WDFY2: variants seen among roughly 807,000 people sequenced by gnomAD.
WDFY2 encodes the protein WD repeat and FYVE domain-containing protein 2.
WDFY2 carries 36 observed loss-of-function variants against 56.4 expected under a neutral mutation model. The observed-to-expected ratio is 0.64, with a 90% confidence interval of 0.49 to 0.84. The LOEUF (loss-of-function observed/expected upper bound fraction) is 0.84. WDFY2 is among the 40% of genes least tolerant of loss of function. The probability of loss-of-function intolerance (pLI) is 0.00; values close to 1 mark genes in which losing one functional copy is unlikely to be tolerated. For synonymous variants in WDFY2, 176 were observed against 183.7 expected, an observed-to-expected ratio of 0.96 and a Z score of 0.34; for missense variants, 444 against 512.2, an observed-to-expected ratio of 0.87 and a Z score of 1.29.
Position 51,664,920 on chromosome 13 carries a change from G to A in WDFY2, c.205+4257G>A, listed in dbSNP as rs948607427. Among the ~76,000 whole-genome samples the A allele has an allele frequency of 5.3e-5, 8 of 152,204 alleles. No homozygotes were observed. In the East Asian group the frequency reaches 5.8e-4, roughly 11 times the overall value. The stretch of plus-strand genomic sequence containing the variant: ...ATAGTTCATTCAACAAATGTTAAGC[G>A]TTTCTTCCACATCTAACATTGTACG... On this transcript the variant is annotated intron_variant, in intron 2 of 11. Transcript: ENST00000298125.
chr13:51,720,810 G>T (rs1952470211), intron 5 of WDFY2, among the ~76,000 whole-genome samples: 1 of 152,174 alleles, frequency 6.6e-6, no homozygotes, highest in Admixed American at 6.5e-5. Flanking sequence ...TGGTGAAAGG[G>T]CAGAGGAGCT....
At chr13:51,600,776 C>T (rs1954260358) in intron 1 of WDFY2, among the ~76,000 whole-genome samples, 1 of 152,160 alleles carries the variant, frequency 6.6e-6, no homozygotes, top group South Asian at 2.1e-4. Context: ...GTGCCCACTA[C>T]TGGACCCTAT....
intron 2 of WDFY2, among the ~76,000 whole-genome samples, chr13:51,666,680 A>C: frequency 6.6e-6 from 1 of 152,122 alleles, no homozygotes. Context: ...TGAATCTCCT[A>C]ACAGATCTTT....
At chr13:51,692,597 A>G (rs1420227625) in intron 3 of WDFY2, among the ~76,000 whole-genome samples, 9 of 152,318 alleles carry the variant, frequency 5.9e-5, no homozygotes, top group Middle Eastern at 3.4e-3. Flanking sequence ...TCGGTTTGCC[A>G]GTATTTTATT....
chr13:51,632,306 G>C (rs1323733876), intron 1 of WDFY2, among the ~76,000 whole-genome samples: 1 of 151,802 alleles, frequency 6.6e-6, no homozygotes, highest in Non-Finnish European at 1.5e-5. Flanking sequence ...AGCTCTGAAT[G>C]AATAATTATA....
At chr13:51,679,712 T>C (rs935088586) in intron 3 of WDFY2, among the ~76,000 whole-genome samples, 1 of 152,172 alleles carries the variant, frequency 6.6e-6, no homozygotes, top group African/African-American at 2.4e-5. Flanking sequence ...TTTTCTCTCA[T>C]GGTTCTGGAG....
intron 4 of WDFY2, among the ~76,000 whole-genome samples, chr13:51,718,048 G>C (rs1308470452): frequency 2.0e-5 from 3 of 152,232 alleles, no homozygotes; most frequent in Admixed American, 6.5e-5. Flanking sequence ...GCACTTGTAA[G>C]ACATTCAGAA....
Position 51,679,376 on chromosome 13 carries a change from T to C in WDFY2, c.279+4133T>C, listed in dbSNP as rs1955940496. Among the ~76,000 whole-genome samples, 3 of 152,222 alleles carry C rather than the reference T, an allele frequency of 2.0e-5. No individual in the cohort carries two copies. In the South Asian group the frequency reaches 6.2e-4, roughly 32 times the overall value. The stretch of plus-strand genomic sequence containing the variant: ...TACAGGGAGCCACAGTTTTTATTAA[T>C]ATCTTGCTAAGATAAATGCATGGTC... On this transcript the variant is annotated intron_variant, in intron 3 of 11. Coordinates refer to ENST00000298125, the MANE Select transcript of WDFY2 (RefSeq NM_052950.4).
intron 4 of WDFY2, 136 bp from the exon 5 acceptor site, chr13:51,719,062 A>G (rs986344842): frequency 1.1e-5 from 13 of 1,227,164 alleles, no homozygotes; most frequent in Admixed American, 6.0e-5. Context: ...CCACTGTTCT[A>G]CCTTGTCCTT....
At chr13:51,587,147 G>A (rs923397264) in intron 1 of WDFY2, 1 of 152,206 alleles carries the variant, frequency 6.6e-6, no homozygotes, top group African/African-American at 2.4e-5. Flanking sequence ...GAATGGCAGT[G>A]TTCCATAAAT....
At chr13:51,590,289 A>G (rs754292745) in intron 1 of WDFY2, 2 of 152,232 alleles carry the variant, frequency 1.3e-5, no homozygotes, top group Non-Finnish European at 2.9e-5. Context: ...TGAAAAAGGA[A>G]TATAGGTAAA....
intron 2 of WDFY2, among the ~76,000 whole-genome samples, chr13:51,670,489 G>GCGCGCGCA (rs994843711): frequency 3.0e-5 from 4 of 131,498 alleles, no homozygotes; most frequent in African/African-American, 1.2e-4. Context: ...GTGCGCACAT[G>GCGCGCGCA]CACACACACA....
At chr13:51,586,774 G>T (rs1193016618) in intron 1 of WDFY2, 1 of 152,058 alleles carries the variant, frequency 6.6e-6, no homozygotes, top group Non-Finnish European at 1.5e-5. Context: ...GTAAATAATA[G>T]AAATTATTTT....
chr13:51,700,578 A>T (rs1372078431), intron 3 of WDFY2, among the ~76,000 whole-genome samples: 1 of 152,242 alleles, frequency 6.6e-6, no homozygotes, highest in East Asian at 1.9e-4. Context: ...TTTTATAGAA[A>T]TACTGCTGGA....
At chr13:51,613,725 T>C (rs1236543457) in intron 1 of WDFY2, among the ~76,000 whole-genome samples, 2 of 152,184 alleles carry the variant, frequency 1.3e-5, no homozygotes, top group African/African-American at 4.8e-5. Context: ...AAATTTTATG[T>C]CACAGCTAAA....
At chr13:51,721,623 GA>G (rs1952493226) in intron 5 of WDFY2, among the ~76,000 whole-genome samples, 1 of 152,008 alleles carries the variant, frequency 6.6e-6, no homozygotes, top group South Asian at 2.1e-4. Context: ...GTGTGTGTGA[GA>G]GCCTCTGGTT....
chr13:51,636,503 C>T (rs924781676), intron 1 of WDFY2, among the ~76,000 whole-genome samples: 2 of 152,096 alleles, frequency 1.3e-5, no homozygotes, highest in Non-Finnish European at 2.9e-5. Context: ...TTTTTAATGA[C>T]GGAAAGCAAA....
At chr13:51,720,357 T>C (rs566810249) in intron 5 of WDFY2, among the ~76,000 whole-genome samples, 1 of 152,276 alleles carries the variant, frequency 6.6e-6, no homozygotes, top group East Asian at 1.9e-4. Flanking sequence ...TGTGGAAAGT[T>C]GTAAAAGTAG....
intron 1 of WDFY2, among the ~76,000 whole-genome samples, chr13:51,608,020 T>G (rs977532878): frequency 1.3e-5 from 2 of 152,112 alleles, no homozygotes; most frequent in African/African-American, 4.8e-5. Flanking sequence ...ATGCTGGAAG[T>G]CTTTAGAAGC....
Sources: allele counts gnomAD v4.1 joint callset (sites outside exome capture counted in the v4.1 genomes callset), GRCh38; gene constraint gnomAD v4.1.1; transcripts MANE v1.5; gene names NCBI Gene and HGNC (gene_info 2026-07-23, HGNC 2026-07-21).